DPP6: variants seen among roughly 807,000 people sequenced by gnomAD.
The protein encoded by DPP6 is dipeptidyl peptidase like 6, also known as A-type potassium channel modulatory protein DPP6.
DPP6 carries 69 observed loss-of-function variants against 122.6 expected under a neutral mutation model. That is an observed-to-expected ratio of 0.56 (90% CI 0.46 to 0.69). The LOEUF (loss-of-function observed/expected upper bound fraction) is 0.69, where lower values mean the gene tolerates loss of function less well. Among genes scored for constraint, DPP6 ranks in the 30% least tolerant of loss-of-function variants. The pLI, the probability that DPP6 is intolerant of heterozygous loss-of-function variation, is 0.00. For synonymous variants in DPP6, 418 were observed against 433.1 expected (o/e 0.97, Z 0.43); for missense variants, 928 against 1,116.9 (o/e 0.83, Z 2.41).
the DPP6 span, among the ~76,000 whole-genome samples, chr7:153,765,516 T>C: frequency 6.7e-6 from 1 of 148,610 alleles, no homozygotes; most frequent in African/African-American, 2.5e-5. Flanking sequence ...CACTCCAGCC[T>C]GGGCAAGAAG....
chr7:153,773,639 A>T, the DPP6 span, among the ~76,000 whole-genome samples: 2 of 151,428 alleles, frequency 1.3e-5, no homozygotes, highest in Non-Finnish European at 2.9e-5. Context: ...CAAGGAATTT[A>T]AAAATAATTT....
rs71534128 is a variant in DPP6, at chr7:154,396,069, T to C, written c.244-50145T>C. On this transcript the variant is annotated intron_variant, in intron 1 of 25. Coordinates refer to ENST00000377770, the MANE Select transcript of DPP6 (RefSeq NM_130797.4). ...TTATGACTTCGGAAGAGAATATACT[T>C]ACGAATTGTTATTTTTGAATTGACC... Among the ~76,000 whole-genome samples, 550 of 152,298 alleles carry C rather than the reference T, an allele frequency of 3.6e-3. 2 individuals carry two copies. The highest frequency in any genetic ancestry group is 5.6e-3 in the Non-Finnish European group (382 of 68,008).
chr7:154,506,542 T>C (rs921391951), intron 3 of DPP6, among the ~76,000 whole-genome samples: 7 of 152,186 alleles, frequency 4.6e-5, no homozygotes, highest in African/African-American at 1.7e-4. Context: ...ACATCCTCTT[T>C]ATAATAAAAT....
At chr7:154,784,675 G>C (rs984581252) in intron 10 of DPP6, among the ~76,000 whole-genome samples, 1 of 152,068 alleles carries the variant, frequency 6.6e-6, no homozygotes, top group Non-Finnish European at 1.5e-5. Flanking sequence ...CACCATGCCC[G>C]TCACAATCAG....
At chr7:154,533,863 T>C (rs1436939666) in intron 3 of DPP6, among the ~76,000 whole-genome samples, 1 of 152,036 alleles carries the variant, frequency 6.6e-6, no homozygotes, top group African/African-American at 2.4e-5. Context: ...CCAGGCATGG[T>C]GGCATGTGCC....
chr7:154,450,878 C>T (rs1371193813), intron 2 of DPP6, among the ~76,000 whole-genome samples: 1 of 152,184 alleles, frequency 6.6e-6, no homozygotes, highest in Non-Finnish European at 1.5e-5. Context: ...GTTTCTGCCT[C>T]TACTTTTCTT....
intron 1 of DPP6, among the ~76,000 whole-genome samples, chr7:153,913,824 G>T (rs1452751118): frequency 1.3e-5 from 2 of 152,150 alleles, no homozygotes; most frequent in African/African-American, 4.8e-5. Context: ...AGTAAGGGGG[G>T]GAAGAGGGCT....
chr7:153,993,244 A>G lies in DPP6; in HGVS notation c.51+105510A>G, dbSNP rs1797266772. ...CAGGGGTTTCAAGAGTGCTGATGCA[A>G]TGAACAGATGAATGAACTCTTGTGA... On this transcript the variant is annotated intron_variant, in intron 1 of 25. Coordinates refer to the DPP6 transcript ENST00000404039. Among the ~76,000 whole-genome samples, 3 of 152,296 alleles carry G rather than the reference A, an allele frequency of 2.0e-5. No individual in the cohort carries two copies. In the South Asian group the frequency reaches 6.2e-4, roughly 32 times the overall value.
chr7:153,764,403 C>T, the DPP6 span, among the ~76,000 whole-genome samples: 3 of 151,990 alleles, frequency 2.0e-5, no homozygotes, highest in Non-Finnish European at 4.4e-5. Flanking sequence ...CCTCTGCACT[C>T]GCCGGTCCTC....
chr7:154,582,131 C>T (rs946186506), intron 5 of DPP6, among the ~76,000 whole-genome samples: 1 of 152,216 alleles, frequency 6.6e-6, no homozygotes, highest in Non-Finnish European at 1.5e-5. Context: ...CACCTGCACT[C>T]CTCGTCCTGG....
intron 1 of DPP6, among the ~76,000 whole-genome samples, chr7:154,040,745 A>T (rs987548222): frequency 6.6e-6 from 1 of 152,176 alleles, no homozygotes; most frequent in African/African-American, 2.4e-5. Context: ...ATATGTTCCT[A>T]GGGGCTGGAA....
At chr7:153,966,554 CTTTTTTT>C (rs753840054) in intron 1 of DPP6, among the ~76,000 whole-genome samples, 581 of 41,192 alleles carry the variant, frequency 0.014, 7 homozygotes, top group African/African-American at 0.07. Flanking sequence ...CCTGTGTTGG[CTTTTTTT>C]TTTTTTTTTT....
intron 4 of DPP6, among the ~76,000 whole-genome samples, chr7:154,554,260 A>G (rs1467747493): frequency 6.6e-6 from 1 of 152,172 alleles, no homozygotes; most frequent in Non-Finnish European, 1.5e-5. Flanking sequence ...GTTAAATTTG[A>G]TGTGTGCACC....
Position 154,397,939 on chromosome 7 carries a change from T to C in DPP6, c.244-48275T>C, listed in dbSNP as rs187259187. On this transcript the variant is annotated intron_variant, in intron 1 of 25. Transcript: ENST00000377770. ...CCTTTGAGCCTTTCAGTCAATCTTT[T>C]AAATAAAATGGTTTCCAGGTGTTTA... 1.8e-4 allele frequency among the ~76,000 whole-genome samples: 28 copies of C among 152,344 alleles called. No homozygotes were observed. In the East Asian group the frequency reaches 4.8e-3, roughly 26 times the overall value.
intron 7 of DPP6, among the ~76,000 whole-genome samples, chr7:154,720,156 T>C (rs59322108): frequency 0.019 from 2,958 of 152,246 alleles, 95 homozygotes; most frequent in African/African-American, 0.068. Flanking sequence ...TCTGGATAGA[T>C]GCCAACGAAA....
Position 154,259,451 on chromosome 7 carries a change from G to C in DPP6, c.244-186763G>C, listed in dbSNP as rs1225841536. 3.9e-5 allele frequency among the ~76,000 whole-genome samples: 6 copies of C among 152,198 alleles called. No individual in the cohort carries two copies. The East Asian group carries it at 1.2e-3, about 29-fold the overall frequency. ...GGGAGGGGCCGCTGGGGCAGTCAAA[G>C]AAGTTTGTTGCAAGAGGCAATTCCG... On this transcript the variant is annotated intron_variant, in intron 1 of 25. Coordinates refer to ENST00000377770, the MANE Select transcript of DPP6 (RefSeq NM_130797.4).
chr7:153,785,771 GCCT>G, the DPP6 span, among the ~76,000 whole-genome samples: 1 of 152,010 alleles, frequency 6.6e-6, no homozygotes, highest in African/African-American at 2.4e-5. Flanking sequence ...TTCCACTTCA[GCCT>G]CCCTAGTACC....
chr7:154,430,716 CCA>C (rs2151252885), intron 1 of DPP6, among the ~76,000 whole-genome samples: 1 of 152,234 alleles, frequency 6.6e-6, no homozygotes, highest in East Asian at 1.9e-4. Context: ...TGTTGACTGC[CCA>C]CTCTGTGCTT....
At chr7:154,130,427 T>TC (rs1212493195) in intron 1 of DPP6, among the ~76,000 whole-genome samples, 2 of 152,322 alleles carry the variant, frequency 1.3e-5, no homozygotes, top group East Asian at 3.9e-4. Flanking sequence ...TGTCACACTA[T>TC]CTACCCTGAT....
Sources: allele counts gnomAD v4.1 joint callset (sites outside exome capture counted in the v4.1 genomes callset), GRCh38; gene constraint gnomAD v4.1.1; transcripts MANE v1.5; gene names NCBI Gene and HGNC (gene_info 2026-07-23, HGNC 2026-07-21).